Variants in IL1RL2 observed in about 807,000 individuals in gnomAD.
IL1RL2 encodes interleukin-1 receptor-like 2.
A neutral mutation model predicts 66.8 loss-of-function variants in IL1RL2; 68 were observed. That is an observed-to-expected ratio of 1.02 (90% confidence interval 0.84 to 1.25). IL1RL2 has a LOEUF of 1.25. IL1RL2 is among the 50% of genes most tolerant of loss of function. The pLI, the probability that IL1RL2 is intolerant of heterozygous loss-of-function variation, is 0.00. For synonymous variants in IL1RL2, 305 were observed against 264.6 expected (o/e 1.15, Z -1.48); for missense variants, 729 against 709.3 (o/e 1.03, Z -0.32).
chr2:102,229,730 T>C (rs1449971002), intron 9 of IL1RL2, among the ~76,000 whole-genome samples: 1 of 152,222 alleles, frequency 6.6e-6, no homozygotes, highest in Admixed American at 6.5e-5. Context: ...AAGTTCTATT[T>C]CTACTCAAAA....
intron 10 of IL1RL2, 37 bp downstream of exon 10, chr2:102,233,161 A>T: frequency 6.4e-7 from 1 of 1,572,936 alleles, no homozygotes; most frequent in South Asian, 1.1e-5. Flanking sequence ...AACAAATAAA[A>T]GAAGGAAAGC....
At chr2:102,215,470 C>T (rs1389142566) in intron 6 of IL1RL2, among the ~76,000 whole-genome samples, 1 of 152,156 alleles carries the variant, frequency 6.6e-6, no homozygotes, top group African/African-American at 2.4e-5. Flanking sequence ...TGCCCTGCTT[C>T]CTGTATGGAC....
intron 11 of IL1RL2, among the ~76,000 whole-genome samples, chr2:102,237,503 G>A (rs552072652): frequency 5.3e-5 from 8 of 152,328 alleles, no homozygotes; most frequent in African/African-American, 1.9e-4. Context: ...GAGAACGGCA[G>A]CGAGTGAGGG....
intron 8 of IL1RL2, among the ~76,000 whole-genome samples, chr2:102,222,870 G>A (rs1690260396): frequency 6.6e-6 from 1 of 152,136 alleles, no homozygotes; most frequent in Non-Finnish European, 1.5e-5. Context: ...ACCTGAAGTG[G>A]TTACAACTTA....
intron 6 of IL1RL2, among the ~76,000 whole-genome samples, chr2:102,214,283 C>G (rs993457467): frequency 6.6e-6 from 1 of 152,070 alleles, no homozygotes; most frequent in African/African-American, 2.4e-5. Flanking sequence ...CTGGTTTCTA[C>G]TTAGAAATTT....
At chr2:102,221,923 A>G (rs866689688) in intron 8 of IL1RL2, among the ~76,000 whole-genome samples, 1 of 152,196 alleles carries the variant, frequency 6.6e-6, no homozygotes, top group Admixed American at 6.5e-5. Flanking sequence ...TCTACATCAC[A>G]TAACAAGTCA....
At chr2:102,234,844 A>T in intron 10 of IL1RL2, 53 bp from the exon 11 acceptor site, 1 of 1,500,480 alleles carries the variant, frequency 6.7e-7, no homozygotes, top group East Asian at 2.3e-5. Flanking sequence ...TAGCATTAAG[A>T]CCCGGGCTGT....
intron 8 of IL1RL2, among the ~76,000 whole-genome samples, chr2:102,221,827 A>AT (rs1310581750): frequency 2.0e-5 from 3 of 152,144 alleles, no homozygotes; most frequent in Non-Finnish European, 4.4e-5. Context: ...ATCAGCTGGA[A>AT]TTTTCTTTTA....
At chr2:102,236,551 A>G (rs1272273823) in intron 11 of IL1RL2, among the ~76,000 whole-genome samples, 1 of 152,236 alleles carries the variant, frequency 6.6e-6, no homozygotes, top group African/African-American at 2.4e-5. Flanking sequence ...CTCTTTATTT[A>G]ACATTTGCTT....
In IL1RL2 at chr2:102,189,326, A is replaced by G. The variant is rs1359401547; in HGVS notation, c.293+16A>G. On this transcript the variant is annotated intron_variant, in intron 3 of 11. Coordinates refer to ENST00000264257, the MANE Select transcript of IL1RL2 (RefSeq NM_003854.4). ...GTGTTATAAAGTAAGTTCCTAATTT[A>G]AAATAGAACTAACTCGTGTGTGTAT... 14 of 1,475,008 alleles carry G rather than the reference A, an allele frequency of 9.5e-6. No homozygotes were observed. In the Admixed American group the frequency reaches 2.5e-4, roughly 26 times the overall value. 91.4% of individuals were successfully genotyped at this position (1,475,008 alleles called of 1,614,324 possible). A position where few individuals can be genotyped will look rare whatever the true frequency, so the allele number is the denominator to read the frequency against.
chr2:102,241,342 A>G (rs908883949), downstream of IL1RL2, among the ~76,000 whole-genome samples: 8 of 152,128 alleles, frequency 5.3e-5, no homozygotes, highest in Non-Finnish European at 1.0e-4. Context: ...GATTTCAGAG[A>G]GGTGGCCCTG....
intron 3 of IL1RL2, 108 bp from the exon 4 acceptor site, chr2:102,191,817 G>A: frequency 2.7e-6 from 2 of 742,084 alleles, no homozygotes; most frequent in Non-Finnish European, 4.5e-6. Flanking sequence ...GAGGCAGAGG[G>A]TTTGCACAGT....
chr2:102,234,689 A>C (rs1028872034), intron 10 of IL1RL2, among the ~76,000 whole-genome samples: 1 of 152,150 alleles, frequency 6.6e-6, no homozygotes, highest in Non-Finnish European at 1.5e-5. Context: ...TAGGAGGCTG[A>C]GGCAGGAGAA....
At position 102,201,719 on chromosome 2, in the gene IL1RL2, A is replaced by C. The variant is rs1392493143; in HGVS notation, c.649+4A>C. 6.2e-7 allele frequency: 1 copy of C among 1,612,690 alleles called. No individual in the cohort carries two copies. The highest frequency in any genetic ancestry group is 8.5e-7 in the Non-Finnish European group (1 of 1,179,144). ...AATGGCATCACTGTGAGCATTAGTA[A>C]GTATGCTCATGTATGCCTGTCGCCT... On this transcript the variant is annotated splice_donor_region_variant and intron_variant, in intron 5 of 11. Coordinates refer to ENST00000264257, the MANE Select transcript of IL1RL2 (RefSeq NM_003854.4).
At chr2:102,234,453 C>A (rs992372745) in intron 10 of IL1RL2, among the ~76,000 whole-genome samples, 1 of 148,330 alleles carries the variant, frequency 6.7e-6, no homozygotes, top group Non-Finnish European at 1.5e-5. Context: ...AAAGAAAAAA[C>A]CCAAAACTTG....
At chr2:102,206,224 G>A (rs1012354782) in intron 5 of IL1RL2, among the ~76,000 whole-genome samples, 2 of 152,080 alleles carry the variant, frequency 1.3e-5, no homozygotes, top group African/African-American at 2.4e-5. Context: ...ACATATCTCT[G>A]TTCCTTCAGG....
chr2:102,236,725 C>G (rs1212948365), intron 11 of IL1RL2, among the ~76,000 whole-genome samples: 1 of 152,188 alleles, frequency 6.6e-6, no homozygotes, highest in African/African-American at 2.4e-5. Context: ...TTAAGCTATG[C>G]CTCCCTATTG....
Position 102,239,090 on chromosome 2 carries a change from A to G in IL1RL2, c.1679-102A>G, listed in dbSNP as rs149907724. The G allele has an allele frequency of 2.0e-3, 1,983 of 975,914 alleles. 5 individuals are homozygous for G. Among genetic ancestry groups the G allele is most frequent in the Non-Finnish European group, 2.1e-3 (1,278 of 608,666 alleles). 60.5% of individuals were successfully genotyped at this position (975,914 alleles called of 1,614,324 possible). On this transcript the variant is annotated intron_variant, in intron 11 of 11. Transcript: ENST00000264257. Reference sequence around the variant, plus strand: ...CAGGGATATACCACCAGATGAACTGACGGCAAGGTGGAGGTTTTCGCATTC... The same window carrying G: ...CAGGGATATACCACCAGATGAACTGGCGGCAAGGTGGAGGTTTTCGCATTC...
At chr2:102,225,766 G>A in intron 8 of IL1RL2, 132 bp from the exon 9 acceptor site, 1 of 554,896 alleles carries the variant, frequency 1.8e-6, no homozygotes, top group Non-Finnish European at 2.8e-6. Context: ...TGTTTAAGCA[G>A]TGCCCTCATT....
Sources: gnomAD v4.1 joint callset for allele counts (sites outside exome capture counted in the v4.1 genomes callset) on GRCh38, gnomAD v4.1.1 for gene constraint, MANE v1.5 for transcripts, NCBI Gene and HGNC (gene_info 2026-07-23, HGNC 2026-07-21) for gene names.